Variants in NOXRED1 observed in about 807,000 individuals in gnomAD.
NOXRED1 encodes NADP-dependent oxidoreductase domain-containing protein 1.
In NOXRED1, 20 loss-of-function variants were observed where a neutral mutation model predicts 30.4. The ratio of observed to expected loss-of-function variants is 0.66; its 90% CI spans 0.46 to 0.96. NOXRED1 has a LOEUF of 0.96. Among genes scored for constraint, NOXRED1 ranks in the 40% least tolerant of loss-of-function variants. The pLI, the probability that NOXRED1 is intolerant of heterozygous loss-of-function variation, is 0.00. For missense variants in NOXRED1, 374 were observed against 428.0 expected, an observed-to-expected ratio of 0.87 and a Z score of 1.11; for synonymous variants, 155 against 168.0, an observed-to-expected ratio of 0.92 and a Z score of 0.60.
At chr14:77,400,661 C>T (rs1447354426) in intron 5 of NOXRED1, among the ~76,000 whole-genome samples, 1 of 152,114 alleles carries the variant, frequency 6.6e-6, no homozygotes, top group Non-Finnish European at 1.5e-5. Context: ...ACACAATTTA[C>T]AGGAATAGTC....
In NOXRED1 at chr14:77,399,981, A is replaced by G. The variant is rs75230113; in HGVS notation, c.906-5176T>C. On this transcript the variant is annotated intron_variant, in intron 5 of 5. Coordinates refer to ENST00000380835, the MANE Select transcript of NOXRED1 (RefSeq NM_001113475.3). ...AAAAATCTTGAGATAAGCCAGAGGG[A>G]AAAAAAACACCATACCCATAGAAAA... 5.1e-3 allele frequency among the ~76,000 whole-genome samples: 782 copies of G among 152,036 alleles called. 7 individuals carry two copies. Among genetic ancestry groups the G allele is most frequent in the African/African-American group, 0.018 (732 of 41,506 alleles).
intron 5 of NOXRED1, among the ~76,000 whole-genome samples, chr14:77,396,899 C>T (rs1234626992): frequency 3.3e-5 from 5 of 152,146 alleles, no homozygotes; most frequent in Non-Finnish European, 7.3e-5. Flanking sequence ...AAATTATTGC[C>T]AACACCAGTT....
intron 1 of NOXRED1, among the ~76,000 whole-genome samples, chr14:77,421,344 TA>T (rs1220240996): frequency 3.9e-5 from 6 of 152,202 alleles, no homozygotes. Context: ...GTCTCGAGGT[TA>T]CAGAGTCTGG....
chr14:77,408,135 A>G (rs965817082), intron 2 of NOXRED1, among the ~76,000 whole-genome samples: 1 of 152,092 alleles, frequency 6.6e-6, no homozygotes, highest in Non-Finnish European at 1.5e-5. Context: ...CCCAAAGTGC[A>G]GGGATTACAG....
In NOXRED1 at chr14:77,419,310, A is replaced by T. The variant is rs187000963; in HGVS notation, c.155+3425T>A. On this transcript the variant is annotated intron_variant, in intron 1 of 5. Transcript: ENST00000380835. The stretch of plus-strand genomic sequence containing the variant: ...CTGGTCTTGAACTCCTGACCTCAGG[A>T]GATCTGCCCGCCTCGGCCTCCCAAA... 4.1e-4 allele frequency among the ~76,000 whole-genome samples: 61 copies of T among 150,598 alleles called. 1 individual carries two copies. Among genetic ancestry groups the T allele is most frequent in the Middle Eastern group, 6.9e-3 (2 of 288 alleles).
chr14:77,404,671 A>G (rs1894411002), intron 5 of NOXRED1, among the ~76,000 whole-genome samples: 1 of 152,150 alleles, frequency 6.6e-6, no homozygotes, highest in African/African-American at 2.4e-5. Flanking sequence ...GAAAACACCC[A>G]GATTTAAGGG....
intron 1 of NOXRED1, among the ~76,000 whole-genome samples, chr14:77,418,010 T>C (rs1894877470): frequency 6.6e-6 from 1 of 152,192 alleles, no homozygotes; most frequent in Non-Finnish European, 1.5e-5. Context: ...AAGATGATAA[T>C]GTCAATCATA....
At chr14:77,416,341 A>T (rs562453857) in intron 1 of NOXRED1, among the ~76,000 whole-genome samples, 5 of 152,168 alleles carry the variant, frequency 3.3e-5, no homozygotes, top group South Asian at 2.1e-4. Context: ...TAGGCAGAGG[A>T]CCTTGCGGCC....
At chr14:77,413,405 A>AT (rs1363903266) in intron 2 of NOXRED1, among the ~76,000 whole-genome samples, 3 of 151,878 alleles carry the variant, frequency 2.0e-5, no homozygotes, top group Non-Finnish European at 4.4e-5. Context: ...TGCCCAGCTA[A>AT]TTTTTGTATT....
chr14:77,411,920 C>T (rs943249285), intron 2 of NOXRED1, among the ~76,000 whole-genome samples: 4 of 151,840 alleles, frequency 2.6e-5, no homozygotes, highest in Admixed American at 6.6e-5. Flanking sequence ...GGTGAAACCC[C>T]GTCTCTACTA....
chr14:77,407,702 A>T, intron 2 of NOXRED1, 57 bp from the exon 3 acceptor site: 1 of 1,188,404 alleles, frequency 8.4e-7, no homozygotes, highest in Non-Finnish European at 1.2e-6. Flanking sequence ...TGACCTGAAC[A>T]TCAACTATGG....
intron 2 of NOXRED1, among the ~76,000 whole-genome samples, chr14:77,408,652 A>G (rs1894549503): frequency 6.6e-6 from 1 of 152,164 alleles, no homozygotes; most frequent in Non-Finnish European, 1.5e-5. Context: ...TAGCAGTCCC[A>G]TTTTACAGAT....
chr14:77,418,048 AC>A (rs1469384527), intron 1 of NOXRED1, among the ~76,000 whole-genome samples: 3 of 149,982 alleles, frequency 2.0e-5, no homozygotes, highest in African/African-American at 2.5e-5. Context: ...ATCTTCCCCT[AC>A]CCCTGCTTTT....
chr14:77,419,270 A>G (rs1217073350), intron 1 of NOXRED1, among the ~76,000 whole-genome samples: 2 of 150,722 alleles, frequency 1.3e-5, no homozygotes, highest in Admixed American at 6.6e-5. Flanking sequence ...ACAGGGTTTC[A>G]CCACGTTGGC....
chr14:77,405,334 G>A (rs552795551), intron 5 of NOXRED1, among the ~76,000 whole-genome samples: 3 of 152,342 alleles, frequency 2.0e-5, no homozygotes, highest in African/African-American at 7.2e-5. Flanking sequence ...GGCAGAGGTT[G>A]CAGTGAGCCG....
intron 2 of NOXRED1, among the ~76,000 whole-genome samples, chr14:77,409,976 T>C (rs771756129): frequency 3.9e-5 from 6 of 152,100 alleles, no homozygotes; most frequent in Non-Finnish European, 5.9e-5. Context: ...CTAAGTTTTG[T>C]ATTTTTAGCA....
intron 2 of NOXRED1, among the ~76,000 whole-genome samples, chr14:77,410,749 T>G (rs1894628313): frequency 6.6e-6 from 1 of 152,144 alleles, no homozygotes; most frequent in Non-Finnish European, 1.5e-5. Flanking sequence ...AATAAAACTC[T>G]TCTATTGATT....
chr14:77,398,900 C>T (rs983711990), intron 5 of NOXRED1, among the ~76,000 whole-genome samples: 3 of 151,846 alleles, frequency 2.0e-5, no homozygotes, highest in Admixed American at 6.6e-5. Context: ...ACTCAGGAGG[C>T]GGAGGTTCCA....
intron 1 of NOXRED1, among the ~76,000 whole-genome samples, chr14:77,415,577 AAAATAC>A (rs1894788419): frequency 6.8e-6 from 1 of 146,774 alleles, no homozygotes; most frequent in South Asian, 2.2e-4. Context: ...TCAAAAAAAG[AAAATAC>A]ATATAGATAG....
Sources: allele counts gnomAD v4.1 joint callset (sites outside exome capture counted in the v4.1 genomes callset), GRCh38; gene constraint gnomAD v4.1.1; transcripts MANE v1.5; gene names NCBI Gene and HGNC (gene_info 2026-07-23, HGNC 2026-07-21).